CDK14: variants seen among roughly 807,000 people sequenced by gnomAD.
CDK14 encodes cyclin-dependent kinase 14.
In CDK14, 34 loss-of-function variants were observed where a neutral mutation model predicts 60.7. That is an observed-to-expected ratio of 0.56 (90% CI 0.43 to 0.75). CDK14 has a LOEUF of 0.75. Ranked by LOEUF, CDK14 falls within the 30% of genes least tolerant of loss-of-function variation. CDK14 has a pLI of 0.00. For synonymous variants in CDK14, 197 were observed against 203.7 expected, an observed-to-expected ratio of 0.97 and a Z score of 0.28; for missense variants, 482 against 564.1, an observed-to-expected ratio of 0.85 and a Z score of 1.47.
intron 8 of CDK14, among the ~76,000 whole-genome samples, chr7:90,942,181 G>A (rs529582295): frequency 3.7e-4 from 57 of 152,146 alleles, no homozygotes; most frequent in African/African-American, 1.4e-3. Context: ...GACTAGGGCC[G>A]GATTCTCTGT....
chr7:90,897,369 G>A (rs947137535), intron 6 of CDK14, among the ~76,000 whole-genome samples: 4 of 151,942 alleles, frequency 2.6e-5, no homozygotes, highest in Non-Finnish European at 5.9e-5. Context: ...TTTAATAAGC[G>A]TTTCAACACA....
chr7:90,912,472 G>A (rs914220658), intron 7 of CDK14, among the ~76,000 whole-genome samples: 2 of 152,170 alleles, frequency 1.3e-5, no homozygotes, highest in African/African-American at 4.8e-5. Context: ...ATTCACAAGA[G>A]CTGTGTGATG....
chr7:90,666,925 T>C (rs1465765707), intron 2 of CDK14, among the ~76,000 whole-genome samples: 1 of 152,244 alleles, frequency 6.6e-6, no homozygotes, highest in Non-Finnish European at 1.5e-5. Context: ...CATGCAAATG[T>C]AGAGAGAAGA....
At chr7:90,902,722 C>T (rs1171643850) in intron 7 of CDK14, among the ~76,000 whole-genome samples, 4 of 151,800 alleles carry the variant, frequency 2.6e-5, no homozygotes, top group Admixed American at 2.6e-4. Context: ...AAACAGGCAA[C>T]AAAAATAAAA....
At chr7:91,087,096 A>G (rs1798662853) in intron 12 of CDK14, among the ~76,000 whole-genome samples, 1 of 152,166 alleles carries the variant, frequency 6.6e-6, no homozygotes, top group African/African-American at 2.4e-5. Context: ...TAAGAAAGAG[A>G]TGATTTTAAC....
intron 2 of CDK14, among the ~76,000 whole-genome samples, chr7:90,624,371 A>G (rs1799833871): frequency 1.3e-5 from 2 of 152,248 alleles, no homozygotes; most frequent in African/African-American, 4.8e-5. Context: ...ATGACAAATA[A>G]TGAGTCACTT....
chr7:90,636,991 C>A (rs936209532), intron 2 of CDK14, among the ~76,000 whole-genome samples: 3 of 151,700 alleles, frequency 2.0e-5, no homozygotes, highest in Admixed American at 6.6e-5. Flanking sequence ...TCCCCTTTAT[C>A]ATTTTTTATT....
intron 2 of CDK14, among the ~76,000 whole-genome samples, chr7:90,664,626 C>A (rs1301329552): frequency 1.3e-5 from 2 of 152,128 alleles, no homozygotes; most frequent in Non-Finnish European, 2.9e-5. Context: ...ATGATGAGTT[C>A]ATGTCCTTTG....
chr7:90,764,479 C>A (rs1804460946), intron 4 of CDK14, among the ~76,000 whole-genome samples: 1 of 152,078 alleles, frequency 6.6e-6, no homozygotes, highest in Non-Finnish European at 1.5e-5. Flanking sequence ...CTGGCTCATA[C>A]AAAGGAAGTA....
chr7:91,085,307 G>T (rs1241220896), intron 12 of CDK14, among the ~76,000 whole-genome samples: 1 of 152,120 alleles, frequency 6.6e-6, no homozygotes, highest in Non-Finnish European at 1.5e-5. Flanking sequence ...TGGGGGGTAT[G>T]GCTGAGGTCT....
chr7:90,974,926 G>T (rs1274014928), intron 9 of CDK14, among the ~76,000 whole-genome samples: 2 of 152,100 alleles, frequency 1.3e-5, no homozygotes, highest in Admixed American at 6.6e-5. Flanking sequence ...TTTCATTCAG[G>T]TCTGGTAATG....
chr7:90,875,738 A>G (rs1442668155), intron 6 of CDK14, among the ~76,000 whole-genome samples: 2 of 151,858 alleles, frequency 1.3e-5, no homozygotes, highest in East Asian at 3.9e-4. Context: ...TTGTTCTCCT[A>G]ATTTTCTTGT....
chr7:90,652,445 G>A (rs1294780205), intron 2 of CDK14, among the ~76,000 whole-genome samples: 2 of 152,100 alleles, frequency 1.3e-5, no homozygotes, highest in Non-Finnish European at 2.9e-5. Flanking sequence ...TGTTTCTTTA[G>A]TAAACATTTA....
chr7:90,860,986 TG>T (rs1395180342), intron 5 of CDK14, among the ~76,000 whole-genome samples: 4 of 152,130 alleles, frequency 2.6e-5, no homozygotes, highest in Non-Finnish European at 5.9e-5. Flanking sequence ...AGAGGCCCTG[TG>T]TGGAAACTGA....
At chr7:90,975,296 A>G (rs1795035774) in intron 9 of CDK14, among the ~76,000 whole-genome samples, 1 of 152,070 alleles carries the variant, frequency 6.6e-6, no homozygotes, top group Non-Finnish European at 1.5e-5. Flanking sequence ...TTTGCCATAG[A>G]GTATATTATA....
At chr7:90,888,736 G>A (rs1310664116) in intron 6 of CDK14, among the ~76,000 whole-genome samples, 3 of 152,018 alleles carry the variant, frequency 2.0e-5, no homozygotes, top group Non-Finnish European at 4.4e-5. Context: ...ATTTTGTGTG[G>A]CCCACTTTGT....
At chr7:91,119,520 A>T (rs1036516938) in intron 14 of CDK14, among the ~76,000 whole-genome samples, 3 of 152,092 alleles carry the variant, frequency 2.0e-5, no homozygotes, top group Non-Finnish European at 4.4e-5. Flanking sequence ...TGTTCAAGTA[A>T]CTCAAAGGAT....
intron 9 of CDK14, among the ~76,000 whole-genome samples, chr7:90,973,227 A>G (rs1794977232): frequency 6.6e-6 from 1 of 152,146 alleles, no homozygotes; most frequent in Admixed American, 6.6e-5. Flanking sequence ...ACTTGAGAAG[A>G]GGCCTCTTAT....
chr7:90,613,049 CT>C (rs1417568344), intron 2 of CDK14, among the ~76,000 whole-genome samples: 1 of 151,870 alleles, frequency 6.6e-6, no homozygotes, highest in Non-Finnish European at 1.5e-5. Context: ...TCAGTTTTTC[CT>C]TTTTATAAAT....
Sources: gnomAD v4.1 joint callset for allele counts (sites outside exome capture counted in the v4.1 genomes callset) on GRCh38, gnomAD v4.1.1 for gene constraint, MANE v1.5 for transcripts, NCBI Gene and HGNC (gene_info 2026-07-23, HGNC 2026-07-21) for gene names.